Variants in DICER1 observed in about 807,000 individuals in gnomAD.
DICER1 encodes endoribonuclease Dicer.
In DICER1, 43 loss-of-function variants were observed where a neutral mutation model predicts 194.1. The observed-to-expected ratio is 0.22, with a 90% CI of 0.17 to 0.29. The LOEUF is 0.29. Among genes scored for constraint, DICER1 ranks in the 10% least tolerant of loss-of-function variants. The pLI is 1.00. For missense variants in DICER1, 1,608 were observed against 2,317.0 expected (o/e 0.69, Z 6.28); for synonymous variants, 832 against 820.5 (o/e 1.01, Z -0.24).
chr14:95,108,529 G>A lies in DICER1; in HGVS notation c.2257-26C>T, dbSNP rs187698827. 1.1e-4 allele frequency: 176 copies of A among 1,605,450 alleles called. 1 individual carries two copies. Among genetic ancestry groups the A allele is most frequent in the Middle Eastern group, 8.3e-4 (5 of 6,038 alleles). On this transcript the variant is annotated intron_variant, in intron 14 of 26. Transcript: ENST00000343455. ...CTAGAGTTGGAAAGGAAAATTAAGC[G>A]TCATGCTCAAGCATATTAGCCTCTT... is the stretch of plus-strand genomic sequence containing the variant.
At chr14:95,103,048 G>A (rs1891030086) in intron 21 of DICER1, among the ~76,000 whole-genome samples, 1 of 152,302 alleles carries the variant, frequency 6.6e-6, no homozygotes, top group Middle Eastern at 3.4e-3. Flanking sequence ...ATCAAGGGGT[G>A]TACACACTTG....
At chr14:95,100,179 A>T (rs1413020713) in intron 21 of DICER1, among the ~76,000 whole-genome samples, 3 of 152,248 alleles carry the variant, frequency 2.0e-5, no homozygotes, top group Non-Finnish European at 4.4e-5. Context: ...GAGCAGAAAA[A>T]ATAATGTATA....
At position 95,106,233 on chromosome 14, in the gene DICER1, A is replaced by T; in HGVS notation, c.2805-10T>A. 6.3e-7 allele frequency: 1 copy of T among 1,599,078 alleles called. No individual in the cohort carries two copies. Among genetic ancestry groups the T allele is most frequent in the African/African-American group, 1.3e-5 (1 of 74,774 alleles). On this transcript the variant is annotated splice_polypyrimidine_tract_variant and intron_variant, in intron 17 of 26. Coordinates refer to ENST00000343455, the MANE Select transcript of DICER1 (RefSeq NM_177438.3). ...ATCAAAATTGCGATATCTAAAAAAG[A>T]AAAACAAAAAAACAATCAGTTGCTT...
rs193038010 is a variant in DICER1 at position 95,088,948 on chromosome 14, C to T, written c.*1550G>A. The T allele has an allele frequency of 8.0e-4, 187 of 233,290 alleles. No homozygotes were observed. Among genetic ancestry groups the T allele is most frequent in the African/African-American group, 3.8e-3 (171 of 45,326 alleles). The allele number at this position is 233,290 out of a possible 1,614,324, so 14.5% of individuals were successfully genotyped here. Reference sequence around the variant, plus strand: ...TTTCTTAAACTTCAAGCATAATTAACGGGGCAAATTGCAGCAAACCTCTAC... The same window carrying T: ...TTTCTTAAACTTCAAGCATAATTAATGGGGCAAATTGCAGCAAACCTCTAC... On this transcript the variant is annotated 3_prime_UTR_variant, in exon 27 of 27. Coordinates refer to ENST00000343455, the MANE Select transcript of DICER1 (RefSeq NM_177438.3).
chr14:95,111,966 T>C (rs1252974733), intron 13 of DICER1, among the ~76,000 whole-genome samples: 1 of 152,204 alleles, frequency 6.6e-6, no homozygotes, highest in Non-Finnish European at 1.5e-5. Flanking sequence ...TTGTTTGCAG[T>C]CAAGCTATGG....
In DICER1 at chr14:95,133,434, G is replaced by A. The variant is rs1482976224; in HGVS notation, c.25C>T (p.Leu9Phe). MKSPALQP[L>F]SMAGLQLMTP... Reference sequence around the variant, plus strand: ...ATGAGCTGCAGGCCTGCCATGCTGAGGGGTTGCAAAGCAGGGCTTTTCATT... The same window carrying A: ...ATGAGCTGCAGGCCTGCCATGCTGAAGGGTTGCAAAGCAGGGCTTTTCATT... Residue 9 changes from leucine (L) to phenylalanine (F), a missense_variant, in exon 2 of 27, where the codon CTC becomes TTC. Transcript: ENST00000343455. 3.1e-6 allele frequency: 5 copies of A among 1,613,848 alleles called. No individual in the cohort carries two copies. Among genetic ancestry groups the A allele is most frequent in the African/African-American group, 1.3e-5 (1 of 75,030 alleles).
At chr14:95,151,947 G>T (rs1185362918) in intron 1 of DICER1, among the ~76,000 whole-genome samples, 1 of 152,160 alleles carries the variant, frequency 6.6e-6, no homozygotes, top group Non-Finnish European at 1.5e-5. Flanking sequence ...CTTAATCAAA[G>T]AACCTTCCTA....
At chr14:95,146,237 A>T (rs1895125726) in intron 1 of DICER1, among the ~76,000 whole-genome samples, 1 of 152,186 alleles carries the variant, frequency 6.6e-6, no homozygotes, top group Non-Finnish European at 1.5e-5. Flanking sequence ...GTCCCAGATA[A>T]ATCCAGGGAC....
rs921899291 is a variant in DICER1 at position 95,117,718 on chromosome 14, C to T, written c.1413G>A (p.Leu471=). The T allele has an allele frequency of 1.2e-6, 2 of 1,613,900 alleles. No homozygotes were observed. Among genetic ancestry groups the T allele is most frequent in the Admixed American group, 3.3e-5 (2 of 60,016 alleles). Reference sequence around the variant, plus strand: ...TTATGAAATTGCTACTGATATAAGCCAGCTCTGGATCTTGTTTGCCAGCTT... The same window carrying T: ...TTATGAAATTGCTACTGATATAAGCTAGCTCTGGATCTTGTTTGCCAGCTT... ...IKEAGKQDPE[L]AYISSNFITG... Residue 471 remains leucine, a synonymous_variant, in exon 9 of 27, where the codon CTG becomes CTA. Coordinates refer to ENST00000343455, the MANE Select transcript of DICER1 (RefSeq NM_177438.3).
chr14:95,128,164 A>G (rs546965821), intron 6 of DICER1, among the ~76,000 whole-genome samples: 2 of 152,244 alleles, frequency 1.3e-5, no homozygotes, highest in Non-Finnish European at 2.9e-5. Context: ...AAAAGTACAT[A>G]TGATAATTTT....
intron 1 of DICER1, among the ~76,000 whole-genome samples, chr14:95,155,589 CAGCAG>C (rs10587098): frequency 0.41 from 61,841 of 151,642 alleles, 14,793 homozygotes; most frequent in African/African-American, 0.68. Context: ...GGGCAAAATA[CAGCAG>C]AGCAGTCAGG....
chr14:95,124,483 G>C lies in DICER1; in HGVS notation c.1089C>G (p.Phe363Leu). 1 of 1,614,138 alleles carries C rather than the reference G, an allele frequency of 6.2e-7. No individual in the cohort carries two copies. Among genetic ancestry groups the C allele is most frequent in the East Asian group, 2.2e-5 (1 of 44,880 alleles). Residue 363 changes from phenylalanine to leucine, a missense_variant, in exon 8 of 27, where the codon TTC becomes TTG. Around this residue, in one of 10 missense-constraint regions of DICER1, gnomAD observed 657 missense variants for 910.1 expected, o/e 0.72. Transcript: ENST00000343455. This position sits in a 1 kb window ranked among gnomAD's most constrained non-coding sequence, Gnocchi z 4.5. ...RKIHALCEEH[F>L]SPASLDLKFV... Reference sequence around the variant, plus strand: ...ATTTCAGGTCAAGTGAGGCAGGTGAGAAGTGCTCTTCACATAGTGCATGTA... The same window carrying C: ...ATTTCAGGTCAAGTGAGGCAGGTGACAAGTGCTCTTCACATAGTGCATGTA...
rs540719224 is a variant in DICER1 at position 95,122,954 on chromosome 14, A to G, written c.1376+1242T>C. 2.0e-5 allele frequency among the ~76,000 whole-genome samples: 3 copies of G among 146,812 alleles called. No homozygotes were observed. In the South Asian group the frequency reaches 6.3e-4, roughly 31 times the overall value. ...CGTGTACGCGCGCGCGCGCGCACAC[A>G]CACACAAAGAAAGAAAAAGAAAAAA... On this transcript the variant is annotated intron_variant, in intron 8 of 26. Coordinates refer to ENST00000343455, the MANE Select transcript of DICER1 (RefSeq NM_177438.3).
rs566938705 is a variant in DICER1, at chr14:95,105,575, C to T, written c.3093+103G>A. On this transcript the variant is annotated intron_variant, in intron 19 of 26. Coordinates refer to ENST00000343455, the MANE Select transcript of DICER1 (RefSeq NM_177438.3). The surrounding 1 kb of genome is among the most constrained non-coding windows in gnomAD (Gnocchi z 4.9). ...GATTAGGTAACTTCTAAAAAATTAA[C>T]GAATCATGCATTTAACTTGGTAAGA... is the stretch of plus-strand genomic sequence containing the variant. 74 of 933,416 alleles carry T rather than the reference C, an allele frequency of 7.9e-5. No homozygotes were observed. Among genetic ancestry groups the T allele is most frequent in the Middle Eastern group, 2.2e-4 (1 of 4,632 alleles). The allele number at this position is 933,416 out of a possible 1,614,324, so 57.8% of individuals were successfully genotyped here. A position where few individuals can be genotyped will look rare whatever the true frequency, so the allele number is the denominator to read the frequency against.
intron 24 of DICER1, among the ~76,000 whole-genome samples, chr14:95,091,647 TAACA>T (rs1303597443): frequency 6.6e-6 from 1 of 152,152 alleles, no homozygotes; most frequent in East Asian, 1.9e-4. Flanking sequence ...TAAACAACCT[TAACA>T]AAGAATTAGA....
At chr14:95,138,602 T>C (rs1246794305) in intron 1 of DICER1, among the ~76,000 whole-genome samples, 1 of 152,120 alleles carries the variant, frequency 6.6e-6, no homozygotes, top group East Asian at 1.9e-4. Flanking sequence ...CTGTGATATC[T>C]AGTCCCAAAT....
At chr14:95,112,943 T>C in intron 12 of DICER1, 149 bp downstream of exon 12, 2 of 798,806 alleles carry the variant, frequency 2.5e-6, no homozygotes, top group Non-Finnish European at 2.0e-6. Flanking sequence ...TTTTTATTTT[T>C]ATTTTTGGTC....
At chr14:95,112,478 C>T (rs915254484) in intron 12 of DICER1, among the ~76,000 whole-genome samples, 4 of 152,092 alleles carry the variant, frequency 2.6e-5, no homozygotes, top group Non-Finnish European at 5.9e-5. Flanking sequence ...TAAGATTTTA[C>T]AATTTTGATG....
intron 13 of DICER1, 71 bp from the exon 14 acceptor site, chr14:95,111,527 G>C: frequency 1.3e-6 from 2 of 1,518,478 alleles, no homozygotes; most frequent in Non-Finnish European, 1.8e-6. Flanking sequence ...ATTTAGAACA[G>C]AACTATGTTA....
Sources: allele counts gnomAD v4.1 joint callset (sites outside exome capture counted in the v4.1 genomes callset), GRCh38; gene constraint gnomAD v4.1.1; regional missense constraint gnomAD v4.1.1; non-coding constraint Gnocchi (gnomAD v3.1); transcripts MANE v1.5; gene names NCBI Gene and HGNC (gene_info 2026-07-23, HGNC 2026-07-21).